The following FOXP1 variants were observed in gnomAD, a reference collection of about 807,000 sequenced individuals.
FOXP1 encodes the protein forkhead box protein P1.
A neutral mutation model predicts 98.2 loss-of-function variants in FOXP1; 15 were observed. The ratio of observed to expected loss-of-function variants is 0.15; its 90% CI spans 0.10 to 0.24. The LOEUF (loss-of-function observed/expected upper bound fraction) is 0.24, where lower values mean the gene tolerates loss of function less well. FOXP1 is among the 10% of genes least tolerant of loss of function. The pLI is 1.00. For synonymous variants in FOXP1, 371 were observed against 314.5 expected, an observed-to-expected ratio of 1.18 and a Z score of -1.90; for missense variants, 633 against 848.5, an observed-to-expected ratio of 0.75 and a Z score of 3.15.
chr3:71,503,531 G>T (rs759451458), intron 2 of FOXP1, among the ~76,000 whole-genome samples: 1 of 150,682 alleles, frequency 6.6e-6, no homozygotes, highest in Non-Finnish European at 1.5e-5. Context: ...AACCCAGGAG[G>T]TGGAGGTTGC....
At chr3:71,419,423 T>C (rs1354398011) in intron 3 of FOXP1, among the ~76,000 whole-genome samples, 1 of 151,958 alleles carries the variant, frequency 6.6e-6, no homozygotes, top group African/African-American at 2.4e-5. Flanking sequence ...CCTCTAATCT[T>C]TGTAGAAGAA....
intron 6 of FOXP1, among the ~76,000 whole-genome samples, chr3:71,166,601 C>G (rs1461056422): frequency 6.6e-6 from 1 of 152,186 alleles, no homozygotes; most frequent in East Asian, 1.9e-4. Context: ...CTACTGGCCT[C>G]TTCTCCAGCT....
At chr3:71,509,998 G>C (rs1218521959) in intron 2 of FOXP1, among the ~76,000 whole-genome samples, 4 of 151,970 alleles carry the variant, frequency 2.6e-5, no homozygotes, top group Admixed American at 2.6e-4. Flanking sequence ...GGCCAACATG[G>C]TGAAACCCCA....
chr3:71,517,778 C>A (rs2042690371), intron 2 of FOXP1, among the ~76,000 whole-genome samples: 1 of 152,252 alleles, frequency 6.6e-6, no homozygotes, highest in African/African-American at 2.4e-5. Flanking sequence ...AGACCTCAGT[C>A]TCCTCAACTT....
chr3:71,105,833 A>C (rs1311723339), intron 7 of FOXP1, among the ~76,000 whole-genome samples: 2 of 152,152 alleles, frequency 1.3e-5, no homozygotes, highest in African/African-American at 4.8e-5. Flanking sequence ...AATTATGCAG[A>C]TCTGAGTCCT....
intron 4 of FOXP1, among the ~76,000 whole-genome samples, chr3:71,345,033 G>T (rs1463917878): frequency 6.6e-6 from 1 of 152,128 alleles, no homozygotes. Context: ...AGATTCATTT[G>T]TAATTGAATC....
intron 2 of FOXP1, among the ~76,000 whole-genome samples, chr3:71,526,743 G>A (rs145984438): frequency 0.016 from 2,417 of 152,190 alleles, 58 homozygotes; most frequent in African/African-American, 0.055. Flanking sequence ...CGAGGTGGGC[G>A]GATCACCCAA....
At chr3:71,268,094 T>C (rs918169138) in intron 5 of FOXP1, among the ~76,000 whole-genome samples, 3 of 140,748 alleles carry the variant, frequency 2.1e-5, no homozygotes, top group Non-Finnish European at 3.1e-5. Flanking sequence ...TCTTTTCTTT[T>C]TTTTTTTTTT....
intron 2 of FOXP1, among the ~76,000 whole-genome samples, chr3:71,536,238 C>G (rs1451258934): frequency 1.3e-5 from 2 of 152,118 alleles, no homozygotes; most frequent in African/African-American, 4.8e-5. Context: ...AGACACCCTA[C>G]AAGGAGTACT....
At chr3:71,224,589 C>A (rs141424699) in intron 5 of FOXP1, among the ~76,000 whole-genome samples, 164 of 152,254 alleles carry the variant, frequency 1.1e-3, no homozygotes, top group Middle Eastern at 6.8e-3. Context: ...CAGCAAAAAA[C>A]CAGTGAGACT....
intron 4 of FOXP1, among the ~76,000 whole-genome samples, chr3:71,355,667 C>T (rs1389680005): frequency 1.3e-5 from 2 of 152,172 alleles, no homozygotes; most frequent in African/African-American, 2.4e-5. Flanking sequence ...CCACTATCTC[C>T]ACACAGTGAA....
intron 7 of FOXP1, among the ~76,000 whole-genome samples, chr3:71,054,501 G>A (rs540386758): frequency 6.6e-6 from 1 of 152,332 alleles, no homozygotes; most frequent in South Asian, 2.1e-4. Context: ...GTATCTGAAA[G>A]GATGATGTCT....
intron 6 of FOXP1, among the ~76,000 whole-genome samples, chr3:71,146,878 G>A (rs377238124): frequency 2.6e-5 from 4 of 152,160 alleles, no homozygotes; most frequent in African/African-American, 7.2e-5. Context: ...CCCTCCTCCC[G>A]GCTCTGAGCA....
chr3:71,157,673 T>C (rs2060891569), intron 6 of FOXP1, among the ~76,000 whole-genome samples: 2 of 152,216 alleles, frequency 1.3e-5, no homozygotes, highest in South Asian at 4.1e-4. Context: ...GATACCAGGT[T>C]GTTCCTTCAC....
At position 71,450,628 on chromosome 3, in the gene FOXP1, C is replaced by G. The variant is rs1276375490; in HGVS notation, c.-168+42798G>C. 2.6e-5 allele frequency among the ~76,000 whole-genome samples: 4 copies of G among 152,148 alleles called. No homozygotes were observed. The East Asian group carries it at 7.7e-4, about 29-fold the overall frequency. ...ACCCTGCCCTTTCTCTTAAAGAAAG[C>G]CTATGTTAATTTCGAACAAAACTGA... On this transcript the variant is annotated intron_variant, in intron 3 of 20. Coordinates refer to ENST00000649528, the MANE Select transcript of FOXP1 (RefSeq NM_001349338.3).
At chr3:71,429,135 G>A (rs2084439914) in intron 3 of FOXP1, among the ~76,000 whole-genome samples, 1 of 152,136 alleles carries the variant, frequency 6.6e-6, no homozygotes, top group Non-Finnish European at 1.5e-5. Context: ...CTTCATGCAG[G>A]CTGCCCTCAT....
chr3:70,983,492 G>C (rs1428454971), intron 14 of FOXP1, among the ~76,000 whole-genome samples: 7 of 152,132 alleles, frequency 4.6e-5, no homozygotes, highest in Non-Finnish European at 8.8e-5. Context: ...TTTCAAAACA[G>C]TCCTAATGGC....
chr3:70,980,055 C>T (rs567106300), intron 14 of FOXP1, among the ~76,000 whole-genome samples: 12 of 152,154 alleles, frequency 7.9e-5, no homozygotes, highest in African/African-American at 2.7e-4. Flanking sequence ...AATGCCCCAG[C>T]AAGCTGAGCA....
At chr3:71,251,058 T>G (rs2068149027) in intron 5 of FOXP1, among the ~76,000 whole-genome samples, 1 of 152,268 alleles carries the variant, frequency 6.6e-6, no homozygotes, top group Admixed American at 6.5e-5. Flanking sequence ...TTGATTAGAA[T>G]TGTAGATTTA....
Sources: gnomAD v4.1 joint callset for allele counts (sites outside exome capture counted in the v4.1 genomes callset) on GRCh38, gnomAD v4.1.1 for gene constraint, MANE v1.5 for transcripts, NCBI Gene and HGNC (gene_info 2026-07-23, HGNC 2026-07-21) for gene names.